MAML3: variants seen among roughly 807,000 people sequenced by gnomAD.
The protein encoded by MAML3 is mastermind-like protein 3.
In MAML3, 27 loss-of-function variants were observed where a neutral mutation model predicts 101.9. That is an observed-to-expected ratio of 0.27 (90% CI 0.20 to 0.37). The LOEUF (loss-of-function observed/expected upper bound fraction) is 0.37. MAML3 is among the 10% of genes least tolerant of loss of function. The probability of loss-of-function intolerance (pLI) is 1.00; values close to 1 mark genes in which losing one functional copy is unlikely to be tolerated. For synonymous variants in MAML3, 501 were observed against 555.9 expected (o/e 0.90, Z 1.39); for missense variants, 1,316 against 1,444.9 (o/e 0.91, Z 1.45).
At chr4:139,769,637 C>CGGA (rs1200756444) in intron 2 of MAML3, among the ~76,000 whole-genome samples, 4 of 150,104 alleles carry the variant, frequency 2.7e-5, no homozygotes, top group Admixed American at 2.0e-4. Flanking sequence ...TTTTTTTTGA[C>CGGA]GGAGTTTCAC....
intron 1 of MAML3, among the ~76,000 whole-genome samples, chr4:140,011,593 C>T (rs1726565337): frequency 6.6e-6 from 1 of 151,822 alleles, no homozygotes; most frequent in Admixed American, 6.6e-5. Flanking sequence ...ATCCACCCGC[C>T]TCGGCCTCCC....
chr4:140,064,800 G>A (rs567029067), intron 1 of MAML3, among the ~76,000 whole-genome samples: 2 of 152,028 alleles, frequency 1.3e-5, no homozygotes, highest in Admixed American at 6.6e-5. Context: ...ATCCCTACTC[G>A]CCTTACCAAA....
At chr4:140,141,870 A>G (rs1214128421) in intron 1 of MAML3, among the ~76,000 whole-genome samples, 1 of 152,238 alleles carries the variant, frequency 6.6e-6, no homozygotes, top group Non-Finnish European at 1.5e-5. Context: ...AAACCATATT[A>G]GATTAAGAGA....
At position 140,106,115 on chromosome 4, in the gene MAML3, G is replaced by GAAAA. The variant is rs59770042; in HGVS notation, c.468+46741_468+46744dup. Among the ~76,000 whole-genome samples, 167 of 89,760 alleles carry GAAAA rather than the reference G, an allele frequency of 1.9e-3. 1 individual carries two copies. The highest frequency in any genetic ancestry group is 8.9e-3 in the East Asian group (25 of 2,800). 58.9% of individuals were successfully genotyped at this position (89,760 alleles called of 152,430 possible). The stretch of plus-strand genomic sequence containing the variant: ...AATTTCTTGGTAAAACTGACTTCAA[G>GAAAA]AAAAAAAAAAAAAAAAAAAAAAAGA... On this transcript the variant is annotated intron_variant, in intron 1 of 4. Coordinates refer to ENST00000509479, the MANE Select transcript of MAML3 (RefSeq NM_018717.5).
intron 2 of MAML3, among the ~76,000 whole-genome samples, chr4:139,877,242 C>G (rs1732132577): frequency 6.6e-6 from 1 of 152,122 alleles, no homozygotes; most frequent in South Asian, 2.1e-4. Flanking sequence ...AGATCCGCTG[C>G]AAACCATTTG....
intron 1 of MAML3, among the ~76,000 whole-genome samples, chr4:140,104,115 G>A (rs896140008): frequency 9.8e-5 from 14 of 142,934 alleles, no homozygotes; most frequent in African/African-American, 2.7e-4. Flanking sequence ...AACAAATGTA[G>A]TGGCTCATGC....
chr4:140,075,064 C>CT lies in MAML3; in HGVS notation c.468+77795dup, dbSNP rs560637418. The stretch of plus-strand genomic sequence containing the variant: ...TTAGAGATACTCAACCTGTAGTTTA[C>CT]TTTACTGAACGCTTATGATAGACTC... On this transcript the variant is annotated intron_variant, in intron 1 of 4. Coordinates refer to ENST00000509479, the MANE Select transcript of MAML3 (RefSeq NM_018717.5). Among the ~76,000 whole-genome samples, 34 of 152,310 alleles carry CT rather than the reference C, an allele frequency of 2.2e-4. No homozygotes were observed. The South Asian group carries it at 6.8e-3, about 31-fold the overall frequency.
At chr4:140,130,345 C>G (rs930805212) in intron 1 of MAML3, among the ~76,000 whole-genome samples, 4 of 152,100 alleles carry the variant, frequency 2.6e-5, no homozygotes, top group Non-Finnish European at 4.4e-5. Context: ...TTTCTCACCC[C>G]CATAATTTTA....
At chr4:139,968,111 T>G (rs1295149294) in intron 1 of MAML3, among the ~76,000 whole-genome samples, 3 of 151,688 alleles carry the variant, frequency 2.0e-5, no homozygotes, top group African/African-American at 7.3e-5. Context: ...AAACCCAGTC[T>G]CTACTAAAAA....
intron 1 of MAML3, among the ~76,000 whole-genome samples, chr4:139,988,703 T>C (rs1734604479): frequency 6.6e-6 from 1 of 152,158 alleles, no homozygotes; most frequent in African/African-American, 2.4e-5. Flanking sequence ...GGGGTGGTGG[T>C]TATAAGGGTG....
intron 1 of MAML3, among the ~76,000 whole-genome samples, chr4:139,978,801 C>T (rs1157868489): frequency 6.6e-6 from 1 of 152,048 alleles, no homozygotes; most frequent in Non-Finnish European, 1.5e-5. Flanking sequence ...AGAGACCTTG[C>T]CAGTCAGCCT....
intron 1 of MAML3, among the ~76,000 whole-genome samples, chr4:139,979,143 A>G (rs1263112489): frequency 6.6e-6 from 1 of 152,210 alleles, no homozygotes; most frequent in Non-Finnish European, 1.5e-5. Context: ...CTGCAAGGAA[A>G]GTATTAGTTT....
At chr4:139,896,341 A>C (rs1262949210) in intron 1 of MAML3, among the ~76,000 whole-genome samples, 4 of 152,136 alleles carry the variant, frequency 2.6e-5, no homozygotes, top group Admixed American at 6.5e-5. Context: ...TCTTAGTATG[A>C]CTGCACCCTC....
At chr4:139,829,909 A>G (rs539999039) in intron 2 of MAML3, among the ~76,000 whole-genome samples, 1 of 152,376 alleles carries the variant, frequency 6.6e-6, no homozygotes, top group Admixed American at 6.5e-5. Flanking sequence ...CAGAAAGAGG[A>G]TAGCCTCTGT....
chr4:140,022,516 G>T (rs565734428), intron 1 of MAML3, among the ~76,000 whole-genome samples: 1 of 152,114 alleles, frequency 6.6e-6, no homozygotes, highest in Non-Finnish European at 1.5e-5. Flanking sequence ...AAATGTAAAT[G>T]GTTCATTAGA....
intron 2 of MAML3, among the ~76,000 whole-genome samples, chr4:139,783,925 C>T (rs1326414859): frequency 2.0e-5 from 3 of 152,218 alleles, no homozygotes; most frequent in African/African-American, 7.2e-5. Context: ...CTTCATTACG[C>T]ATTTAGCGGT....
At position 139,734,691 on chromosome 4, in the gene MAML3, T is replaced by G. The variant is rs553687922; in HGVS notation, c.2080-4024A>C. ...CTTCAAAAAACAGTTGTGGTAAAAA[T>G]ATCTCCCAAGAACAGCCAGCTGTTT... On this transcript the variant is annotated intron_variant, in intron 2 of 4. Transcript: ENST00000509479. Among the ~76,000 whole-genome samples, 4 of 152,354 alleles carry G rather than the reference T, an allele frequency of 2.6e-5. No individual in the cohort carries two copies. In the East Asian group the frequency reaches 7.7e-4, roughly 29 times the overall value.
chr4:140,079,563 G>A (rs1287047195), intron 1 of MAML3, among the ~76,000 whole-genome samples: 3 of 152,038 alleles, frequency 2.0e-5, no homozygotes, highest in African/African-American at 7.3e-5. Flanking sequence ...CAAAGTGCTG[G>A]GATTACAGGC....
At chr4:140,129,315 A>G (rs1728741040) in intron 1 of MAML3, among the ~76,000 whole-genome samples, 1 of 152,200 alleles carries the variant, frequency 6.6e-6, no homozygotes, top group African/African-American at 2.4e-5. Flanking sequence ...TGCAGGAATA[A>G]CTTAGAACAC....
Sources: allele counts gnomAD v4.1 joint callset (sites outside exome capture counted in the v4.1 genomes callset), GRCh38; gene constraint gnomAD v4.1.1; transcripts MANE v1.5; gene names NCBI Gene and HGNC (gene_info 2026-07-23, HGNC 2026-07-21).